The following EPHB2 variants were observed in gnomAD, a reference collection of about 807,000 sequenced individuals.
EPHB2 encodes the protein ephrin type-B receptor 2.
A neutral mutation model predicts 96.4 loss-of-function variants in EPHB2; 18 were observed. That is an observed-to-expected ratio of 0.19 (90% confidence interval 0.13 to 0.28). The LOEUF is 0.28. Ranked by LOEUF, EPHB2 falls within the 10% of genes least tolerant of loss-of-function variation. EPHB2 has a pLI of 1.00. For missense variants in EPHB2, 989 were observed against 1,355.4 expected (o/e 0.73, Z 4.25); for synonymous variants, 506 against 534.1 (o/e 0.95, Z 0.72).
chr1:22,724,908 C>T (rs1435418366), intron 1 of EPHB2, among the ~76,000 whole-genome samples: 1 of 152,142 alleles, frequency 6.6e-6, no homozygotes, highest in Non-Finnish European at 1.5e-5. Context: ...CCTCCCTCTC[C>T]TCCTTGCCTG....
intron 1 of EPHB2, among the ~76,000 whole-genome samples, chr1:22,735,353 C>T (rs1189703148): frequency 6.6e-6 from 1 of 151,130 alleles, no homozygotes; most frequent in Non-Finnish European, 1.5e-5. Context: ...GTGGGAGGAT[C>T]GCTTGAGCCC....
chr1:22,724,727 C>CA lies in EPHB2; in HGVS notation c.61+13685dup, dbSNP rs1377066237. Among the ~76,000 whole-genome samples, 19 of 152,324 alleles carry CA rather than the reference C, an allele frequency of 1.2e-4. No homozygotes were observed. In the East Asian group the frequency reaches 3.1e-3, roughly 25 times the overall value. ...CCCAGAGCAGCAGATGGCAGCTTCCCACCCAGCTGCCGCAGGACATGGCCC... is the reference window on the plus strand; with the variant it reads ...CCCAGAGCAGCAGATGGCAGCTTCCCAACCCAGCTGCCGCAGGACATGGCCC... On this transcript the variant is annotated intron_variant, in intron 1 of 15. Transcript: ENST00000374630.
chr1:22,904,350 T>G (rs1266206601), intron 9 of EPHB2, among the ~76,000 whole-genome samples: 4 of 152,248 alleles, frequency 2.6e-5, no homozygotes, highest in African/African-American at 9.6e-5. Context: ...AGGTTGGATT[T>G]TTTGAGAACT....
At position 22,892,896 on chromosome 1, in the gene EPHB2, T is replaced by C. The variant is rs775374349; in HGVS notation, c.1441T>C (p.Tyr481His). The C allele has an allele frequency of 1.2e-6, 2 of 1,614,016 alleles. No homozygotes were observed. Among genetic ancestry groups the C allele is most frequent in the Admixed American group, 3.3e-5 (2 of 60,004 alleles). Residue 481 changes from tyrosine (Y) to histidine (H), a missense_variant, in exon 7 of 16, where the codon TAC (tyrosine) becomes CAC (histidine). Physicochemically the swap from Tyr to His is moderately conservative, Grantham distance 83. Coordinates refer to ENST00000374630, the MANE Select transcript of EPHB2 (RefSeq NM_017449.5). ...LQYYEKELSE[Y>H]NATAIKSPTN... The stretch of plus-strand genomic sequence containing the variant: ...TGTTCCTCGGCAGGAGCTCAGTGAG[T>C]ACAACGCCACAGCCATAAAAAGCCC...
chr1:22,724,899 C>T (rs1643548391), intron 1 of EPHB2, among the ~76,000 whole-genome samples: 2 of 152,110 alleles, frequency 1.3e-5, no homozygotes, highest in South Asian at 4.2e-4. Flanking sequence ...CATGTTGCTC[C>T]TCCCTCTCCT....
intron 3 of EPHB2, among the ~76,000 whole-genome samples, chr1:22,797,166 G>A (rs527519598): frequency 1.3e-5 from 2 of 152,246 alleles, no homozygotes; most frequent in South Asian, 4.1e-4. Flanking sequence ...GGGTCACCGG[G>A]TTGGTTTGAT....
chr1:22,721,938 T>C (rs1222198546), intron 1 of EPHB2, among the ~76,000 whole-genome samples: 1 of 152,118 alleles, frequency 6.6e-6, no homozygotes, highest in Admixed American at 6.6e-5. Context: ...TTCTGATGCT[T>C]ATGGGAAAAC....
At chr1:22,730,636 G>T (rs886231003) in intron 1 of EPHB2, among the ~76,000 whole-genome samples, 2 of 151,824 alleles carry the variant, frequency 1.3e-5, no homozygotes, top group African/African-American at 4.8e-5. Context: ...GGGGTTCAGG[G>T]ATATCTGGGG....
chr1:22,799,584 A>C (rs917499990), intron 3 of EPHB2, among the ~76,000 whole-genome samples: 2 of 152,250 alleles, frequency 1.3e-5, no homozygotes, highest in Non-Finnish European at 2.9e-5. Flanking sequence ...CCTGTTTGAC[A>C]CAGCCTGGCC....
At position 22,875,326 on chromosome 1, in the gene EPHB2, A is replaced by T. The variant is rs1638802999; in HGVS notation, c.1304-7033A>T. On this transcript the variant is annotated intron_variant, in intron 5 of 15. Transcript: ENST00000374630. This position sits in a 1 kb window ranked among gnomAD's most constrained non-coding sequence, Gnocchi z 4.2. ...ATTCTAAGAGTCCCGTCCCAAGTAA[A>T]CTGTCCCTGCTACAGACCCTGGAGA... is the stretch of plus-strand genomic sequence containing the variant. Among the ~76,000 whole-genome samples, 1 of 152,118 alleles carries T rather than the reference A, an allele frequency of 6.6e-6. No homozygotes were observed. Among genetic ancestry groups the T allele is most frequent in the South Asian group, 2.1e-4 (1 of 4,820 alleles).
At chr1:22,821,549 C>T (rs147155907) in intron 3 of EPHB2, among the ~76,000 whole-genome samples, 40 of 152,308 alleles carry the variant, frequency 2.6e-4, no homozygotes, top group African/African-American at 7.9e-4. Flanking sequence ...GAATCATGTT[C>T]GGAAGCCTGT....
intron 1 of EPHB2, among the ~76,000 whole-genome samples, chr1:22,764,559 A>G (rs536463056): frequency 6.6e-6 from 1 of 152,272 alleles, no homozygotes; most frequent in African/African-American, 2.4e-5. Context: ...CAGCCTGGCC[A>G]ACATGGTGAA....
intron 1 of EPHB2, among the ~76,000 whole-genome samples, chr1:22,752,579 G>C (rs1226810952): frequency 6.6e-6 from 1 of 150,638 alleles, no homozygotes; most frequent in Non-Finnish European, 1.5e-5. Context: ...TTACCACGTA[G>C]TCAGGACATA....
intron 3 of EPHB2, among the ~76,000 whole-genome samples, chr1:22,804,919 C>G (rs1343717471): frequency 6.6e-6 from 1 of 152,016 alleles, no homozygotes; most frequent in African/African-American, 2.4e-5. Context: ...TCCCCATTTC[C>G]TTCTCTAAGG....
chr1:22,855,243 C>G (rs535416651), intron 3 of EPHB2, among the ~76,000 whole-genome samples: 14 of 152,326 alleles, frequency 9.2e-5, no homozygotes, highest in African/African-American at 3.4e-4. Flanking sequence ...GCCAGCCCCC[C>G]TACTCTGGGA....
At position 22,769,138 on chromosome 1, in the gene EPHB2, A is replaced by G. The variant is rs1012308850; in HGVS notation, c.62-12283A>G. ...ATGGGCCCCAGCCATGTCCATATCC[A>G]TAATGTGATATGGACAACAGATTCA... On this transcript the variant is annotated intron_variant, in intron 1 of 15. Coordinates refer to ENST00000374630, the MANE Select transcript of EPHB2 (RefSeq NM_017449.5). 5.9e-5 allele frequency among the ~76,000 whole-genome samples: 9 copies of G among 152,298 alleles called. No homozygotes were observed. In the South Asian group the frequency reaches 6.2e-4, roughly 11 times the overall value.
At chr1:22,812,279 C>T (rs939099109) in intron 3 of EPHB2, among the ~76,000 whole-genome samples, 1 of 152,222 alleles carries the variant, frequency 6.6e-6, no homozygotes, top group Non-Finnish European at 1.5e-5. Context: ...GCGGCCCTGC[C>T]CGCGGGGCCT....
rs943145399 is a variant in EPHB2, at chr1:22,860,578, G to A, written c.812-2459G>A. Among the ~76,000 whole-genome samples, 1 of 152,090 alleles carries A rather than the reference G, an allele frequency of 6.6e-6. No homozygotes were observed. Among genetic ancestry groups the A allele is most frequent in the Admixed American group, 6.5e-5 (1 of 15,270 alleles). On this transcript the variant is annotated intron_variant, in intron 3 of 15. Transcript: ENST00000374630. This position sits in a 1 kb window ranked among gnomAD's most constrained non-coding sequence, Gnocchi z 4.6. ...CAGTCCAGATGGAGAGGCTGGCACCGCACAGAGGGGAGAGAGAGCAGCCAC... is the reference window on the plus strand; with the variant it reads ...CAGTCCAGATGGAGAGGCTGGCACCACACAGAGGGGAGAGAGAGCAGCCAC...
intron 1 of EPHB2, among the ~76,000 whole-genome samples, chr1:22,734,422 CTTTT>C (rs66686608): frequency 1.5e-5 from 2 of 135,656 alleles, no homozygotes; most frequent in Admixed American, 7.4e-5. Flanking sequence ...TGTCAATATT[CTTTT>C]TTTTTTTTTT....
Sources: gnomAD v4.1 joint callset for allele counts (sites outside exome capture counted in the v4.1 genomes callset) on GRCh38, gnomAD v4.1.1 for gene constraint, Gnocchi (gnomAD v3.1) non-coding constraint, MANE v1.5 for transcripts, NCBI Gene and HGNC (gene_info 2026-07-23, HGNC 2026-07-21) for gene names.